The following NT5DC4 variants were observed in gnomAD, a reference collection of about 807,000 sequenced individuals.
NT5DC4 encodes the protein 5'-nucleotidase domain containing 4, also known as 5'-nucleotidase domain-containing protein 4.
Under a neutral mutation model 26.6 loss-of-function variants are expected in NT5DC4, and 44 were observed. The ratio of observed to expected loss-of-function variants is 1.65; its 90% CI spans 1.30 to 2.13. The LOEUF (loss-of-function observed/expected upper bound fraction) is 2.13, where lower values mean the gene tolerates loss of function less well. NT5DC4 is among the 30% of genes most tolerant of loss of function. NT5DC4 has a pLI of 0.00. For missense variants in NT5DC4, 399 were observed against 228.1 expected, an observed-to-expected ratio of 1.75 and a Z score of -4.83; for synonymous variants, 157 against 86.7, an observed-to-expected ratio of 1.81 and a Z score of -4.51.
At chr2:112,741,354 C>T (rs1679950368), downstream of NT5DC4, among the ~76,000 whole-genome samples, 1 of 152,186 alleles carries the variant, frequency 6.6e-6, no homozygotes, top group African/African-American at 2.4e-5. Flanking sequence ...TTACACCACA[C>T]CTTGGATCAA....
chr2:112,740,337 C>T (rs1417937349), downstream of NT5DC4, among the ~76,000 whole-genome samples: 3 of 152,166 alleles, frequency 2.0e-5, no homozygotes, highest in Non-Finnish European at 4.4e-5. Context: ...TGGTGCTACA[C>T]TCACATTTTA....
In NT5DC4 at chr2:112,722,163, C is replaced by G. The variant is rs1351952157; in HGVS notation, c.267-20C>G. On this transcript the variant is annotated intron_variant, in intron 3 of 16. Transcript: ENST00000688554. ...CCTTGGTACCCCCACCCACAGTGCCCCCCGACCCCCCGTCTGCAGGCGGCT... is the reference window on the plus strand; with the variant it reads ...CCTTGGTACCCCCACCCACAGTGCCGCCCGACCCCCCGTCTGCAGGCGGCT... The G allele has an allele frequency of 1.7e-6, 1 of 581,726 alleles. No homozygotes were observed. Among genetic ancestry groups the G allele is most frequent in the Admixed American group, 2.6e-5 (1 of 37,880 alleles). 36.0% of individuals were successfully genotyped at this position (581,726 alleles called of 1,614,324 possible).
At position 112,722,037 on chromosome 2, in the gene NT5DC4, G is replaced by A. The variant is rs13386452; in HGVS notation, c.200G>A (p.Arg67His). The change falls in exon 3 of 17, where the codon CGC (arginine) becomes CAC (histidine). Residue 67 changes from arginine (R) to histidine (H), a missense_variant. Arg to His is a conservative substitution (Grantham distance 29). Transcript: ENST00000688554. ...EALTFELLLERLVCIGYPHEI... is the reference protein window; with the variant it reads ...EALTFELLLEHLVCIGYPHEI... ...CTGACCTTCGAGCTGCTGCTGGAGC[G>A]CCTGGTGTGCATTGGGTACCCGCAT... 0.51 allele frequency: 367,485 copies of A among 716,848 alleles called. 98,796 individuals are homozygous for A. Among genetic ancestry groups the A allele is most frequent in the Non-Finnish European group, 0.58 (224,605 of 385,008 alleles). The allele number at this position is 716,848 out of a possible 1,614,324, so 44.4% of individuals were successfully genotyped here.
At position 112,729,643 on chromosome 2, in the gene NT5DC4, T is replaced by C. The variant is rs1335392525; in HGVS notation, c.1283T>C (p.Val428Ala). The change falls in exon 16 of 17, where the codon GTT (valine) becomes GCT (alanine). Residue 428 changes from valine (V) to alanine (A), a missense_variant. Val to Ala is a moderately conservative substitution (Grantham distance 64). Coordinates refer to ENST00000688554, the MANE Select transcript of NT5DC4 (RefSeq NM_001393655.1). ...TCCCTACAGATGCCACATGAGTCAG[T>C]TGTGGAGCAAGAACAGGCCAATCTA... Reference protein sequence around the residue: ...KREIQMPHESVVEQEQANLDP... With the variant: ...KREIQMPHESAVEQEQANLDP... 2.8e-6 allele frequency: 2 copies of C among 717,748 alleles called. No homozygotes were observed. The highest frequency in any genetic ancestry group is 5.2e-6 in the Non-Finnish European group (2 of 385,164). 44.5% of individuals were successfully genotyped at this position (717,748 alleles called of 1,614,324 possible). A position where few individuals can be genotyped will look rare whatever the true frequency, so the allele number is the denominator to read the frequency against.
rs751411607 is a variant in NT5DC4 at position 112,723,173 on chromosome 2, C to CGGT, written c.621+1_621+3dup. On this transcript the variant is annotated inframe_insertion and splice_region_variant, in exon 7 of 17. Transcript: ENST00000688554. ...GATGCCATGAATAACATCCACCAGT[C>CGGT]GGTGAGTGAGTGGTCCAGAACCCCC... The CGGT allele has an allele frequency of 2.4e-5, 17 of 717,214 alleles. No individual in the cohort carries two copies. The highest frequency in any genetic ancestry group is 3.9e-5 in the Non-Finnish European group (15 of 385,088). The allele number at this position is 717,214 out of a possible 1,614,324, so 44.4% of individuals were successfully genotyped here.
intron 15 of NT5DC4, 37 bp from the exon 16 acceptor site, chr2:112,729,590 C>G (rs752923786): frequency 8.4e-6 from 6 of 717,368 alleles, no homozygotes; most frequent in East Asian, 2.7e-5. Flanking sequence ...GTACCCGGGA[C>G]GGAGTGCTTC....
upstream of NT5DC4, among the ~76,000 whole-genome samples, chr2:112,720,576 C>G (rs1365248952): frequency 1.3e-5 from 2 of 152,214 alleles, no homozygotes; most frequent in Non-Finnish European, 2.9e-5. Context: ...TCTGAGATCC[C>G]AGTTATCTTC....
chr2:112,725,895 TTCCACC>T, intron 13 of NT5DC4, among the ~76,000 whole-genome samples: 1 of 97,206 alleles, frequency 1.0e-5, no homozygotes, highest in African/African-American at 5.1e-5. Context: ...GGTACACACC[TTCCACC>T]CAGGTATGAC....
At position 112,722,026 on chromosome 2, in the gene NT5DC4, G is replaced by A. The variant is rs1475770095; in HGVS notation, c.189G>A (p.Leu63=). Residue 63 remains leucine, a synonymous_variant, in exon 3 of 17, where the codon CTG becomes CTA. Transcript: ENST00000688554. ...CTTATGAGGCCCTGACCTTCGAGCT[G>A]CTGCTGGAGCGCCTGGTGTGCATTG... ...SPAYEALTFE[L]LLERLVCIGY... is the part of the protein sequence containing the mutation. 2 of 717,248 alleles carry A rather than the reference G, an allele frequency of 2.8e-6. No individual in the cohort carries two copies. The highest frequency in any genetic ancestry group is 4.6e-4 in the Middle Eastern group (2 of 4,372). The allele number at this position is 717,248 out of a possible 1,614,324, so 44.4% of individuals were successfully genotyped here. A position where few individuals can be genotyped will look rare whatever the true frequency, so the allele number is the denominator to read the frequency against.
At chr2:112,719,932 T>C (rs1400682275), upstream of NT5DC4, among the ~76,000 whole-genome samples, 2 of 48,832 alleles carry the variant, frequency 4.1e-5, no homozygotes, top group South Asian at 6.8e-4. Flanking sequence ...TTCTCTTTCT[T>C]TCTTTCTTTC....
At chr2:112,728,994 G>A (rs1370675706) in intron 15 of NT5DC4, among the ~76,000 whole-genome samples, 4 of 152,204 alleles carry the variant, frequency 2.6e-5, no homozygotes, top group Non-Finnish European at 5.9e-5. Context: ...GGGGGTCCAG[G>A]CATAGCCCTC....
At chr2:112,740,079 T>C (rs1239166322), downstream of NT5DC4, among the ~76,000 whole-genome samples, 2 of 152,334 alleles carry the variant, frequency 1.3e-5, no homozygotes, top group Non-Finnish European at 2.9e-5. Context: ...TTTTGTGAAT[T>C]CTAGAGCCAT....
intron 15 of NT5DC4, among the ~76,000 whole-genome samples, chr2:112,728,330 G>A (rs1356603599): frequency 1.3e-5 from 2 of 152,214 alleles, no homozygotes; most frequent in Non-Finnish European, 2.9e-5. Flanking sequence ...GCTTCCGAAG[G>A]GGTGGAGGAG....
At chr2:112,741,239 C>A (rs1235257008), downstream of NT5DC4, among the ~76,000 whole-genome samples, 2 of 152,152 alleles carry the variant, frequency 1.3e-5, no homozygotes, top group Non-Finnish European at 2.9e-5. Flanking sequence ...CCCGAGACTG[C>A]TGTACGTAGA....
At chr2:112,719,685 C>T (rs561948049), upstream of NT5DC4, among the ~76,000 whole-genome samples, 345 of 151,822 alleles carry the variant, frequency 2.3e-3, 4 homozygotes, top group Non-Finnish European at 3.7e-3. Flanking sequence ...GGGGTTTCAC[C>T]GTGCTGGCCA....
intron 16 of NT5DC4, among the ~76,000 whole-genome samples, chr2:112,734,167 A>ATG (rs1380428965): frequency 1.1e-3 from 6 of 5,270 alleles, no homozygotes; most frequent in Admixed American, 3.2e-3. Context: ...GCTATTATAT[A>ATG]TATGTGTGTG....
chr2:112,723,363 A>G (rs1183688037), intron 7 of NT5DC4, 55 bp from the exon 8 acceptor site: 3 of 658,278 alleles, frequency 4.6e-6, no homozygotes, highest in East Asian at 3.0e-5. Flanking sequence ...GTACACATGC[A>G]CACACACACA....
rs1044651381 is a variant in NT5DC4 at position 112,725,207 on chromosome 2, G to A, written c.949G>A (p.Gly317Arg). The A allele has an allele frequency of 2.8e-6, 2 of 716,126 alleles. No homozygotes were observed. Among genetic ancestry groups the A allele is most frequent in the Non-Finnish European group, 5.2e-6 (2 of 384,152 alleles). 44.4% of individuals were successfully genotyped at this position (716,126 alleles called of 1,614,324 possible). A position where few individuals can be genotyped will look rare whatever the true frequency, so the allele number is the denominator to read the frequency against. ...AAAGCTCCACGTGGGCACCTACACA[G>A]GGCCCCACCAGCACTGTGCTGTCTA... ...SGKLHVGTYT[G>R]PHQHCAVYSG... Residue 317 changes from glycine to arginine, a missense_variant, in exon 12 of 17, where the codon GGG (glycine) becomes AGG (arginine). By Grantham distance (125) the Gly-to-Arg change is moderately radical. Coordinates refer to ENST00000688554, the MANE Select transcript of NT5DC4 (RefSeq NM_001393655.1).
At chr2:112,735,775 T>C (rs1438110861) in intron 16 of NT5DC4, among the ~76,000 whole-genome samples, 1 of 152,164 alleles carries the variant, frequency 6.6e-6, no homozygotes, top group Non-Finnish European at 1.5e-5. Context: ...TCCACAATCA[T>C]TTCCACAACC....
Sources: gnomAD v4.1 joint callset for allele counts (sites outside exome capture counted in the v4.1 genomes callset) on GRCh38, gnomAD v4.1.1 for gene constraint, MANE v1.5 for transcripts, NCBI Gene and HGNC (gene_info 2026-07-23, HGNC 2026-07-21) for gene names.